The following ANKRD17 variants were observed in gnomAD, a reference collection of about 807,000 sequenced individuals.
ANKRD17 encodes the protein ankyrin repeat domain 17, also known as ankyrin repeat domain-containing protein 17.
A neutral mutation model predicts 229.7 loss-of-function variants in ANKRD17; 19 were observed. The ratio of observed to expected loss-of-function variants is 0.08; its 90% CI spans 0.06 to 0.12. ANKRD17 has a LOEUF of 0.12. Ranked by LOEUF, ANKRD17 falls within the 10% of genes least tolerant of loss-of-function variation. The pLI is 1.00. For missense variants in ANKRD17, 2,176 were observed against 3,176.8 expected (o/e 0.68, Z 7.57); for synonymous variants, 1,112 against 1,146.1 (o/e 0.97, Z 0.60).
intron 30 of ANKRD17, among the ~76,000 whole-genome samples, chr4:73,080,165 A>G (rs1721420449): frequency 6.6e-6 from 1 of 152,196 alleles, no homozygotes; most frequent in African/African-American, 2.4e-5. Context: ...AAAATGGTAT[A>G]AATAATAAAG....
intron 1 of ANKRD17, among the ~76,000 whole-genome samples, chr4:73,228,414 G>A (rs539949984): frequency 6.6e-6 from 1 of 152,020 alleles, no homozygotes; most frequent in Admixed American, 6.6e-5. Context: ...TACCACTATA[G>A]TTTATTTTCT....
intron 3 of ANKRD17, among the ~76,000 whole-genome samples, chr4:73,159,281 C>A (rs1732184194): frequency 6.6e-6 from 1 of 152,172 alleles, no homozygotes; most frequent in African/African-American, 2.4e-5. Flanking sequence ...TAAGAGCATA[C>A]CTTTTCTCTC....
intron 30 of ANKRD17, among the ~76,000 whole-genome samples, chr4:73,081,099 G>T (rs1177591420): frequency 6.6e-6 from 1 of 152,176 alleles, no homozygotes; most frequent in African/African-American, 2.4e-5. Context: ...TTGGATTAAG[G>T]ATAGGCACCC....
At chr4:73,157,159 A>G (rs772376700) in intron 3 of ANKRD17, among the ~76,000 whole-genome samples, 1 of 152,184 alleles carries the variant, frequency 6.6e-6, no homozygotes, top group Non-Finnish European at 1.5e-5. Flanking sequence ...ATTTTTTATA[A>G]AATTTAATTA....
chr4:73,116,540 C>T (rs148000321), intron 22 of ANKRD17, among the ~76,000 whole-genome samples: 35 of 152,248 alleles, frequency 2.3e-4, no homozygotes, highest in Non-Finnish European at 4.7e-4. Context: ...GTTAGCCAGT[C>T]GGGATAAACA....
At chr4:73,100,488 T>G (rs1159321677) in intron 25 of ANKRD17, among the ~76,000 whole-genome samples, 1 of 152,076 alleles carries the variant, frequency 6.6e-6, no homozygotes, top group African/African-American at 2.4e-5. Context: ...TATATATCCT[T>G]TTCTCGGAGA....
intron 1 of ANKRD17, among the ~76,000 whole-genome samples, chr4:73,208,112 C>T (rs1295550788): frequency 1.4e-5 from 2 of 147,502 alleles, no homozygotes; most frequent in Non-Finnish European, 3.0e-5. Context: ...TGGCGTGAGC[C>T]CGGGAGGCGG....
At chr4:73,250,783 T>C (rs1241137295) in intron 1 of ANKRD17, among the ~76,000 whole-genome samples, 1 of 151,278 alleles carries the variant, frequency 6.6e-6, no homozygotes, top group Non-Finnish European at 1.5e-5. Flanking sequence ...CTCTGCTCAC[T>C]GCAACCTCTG....
chr4:73,154,936 G>A (rs1731461254), intron 5 of ANKRD17, among the ~76,000 whole-genome samples: 1 of 151,648 alleles, frequency 6.6e-6, no homozygotes, highest in South Asian at 2.1e-4. Flanking sequence ...AGCTACTTGG[G>A]AGGCTGAGGC....
chr4:73,238,008 A>G (rs2149254790), intron 1 of ANKRD17, among the ~76,000 whole-genome samples: 1 of 152,162 alleles, frequency 6.6e-6, no homozygotes, highest in Middle Eastern at 3.4e-3. Flanking sequence ...AGAACTGAAA[A>G]TATTTACTAG....
chr4:73,205,399 A>C (rs1739309712), intron 1 of ANKRD17, among the ~76,000 whole-genome samples: 1 of 152,206 alleles, frequency 6.6e-6, no homozygotes, highest in Non-Finnish European at 1.5e-5. Flanking sequence ...AAAAAAACAC[A>C]GACCAATGGA....
chr4:73,191,341 A>ATATATGTGTGTGTGTGTGTG (rs1553933228), intron 1 of ANKRD17, among the ~76,000 whole-genome samples: 2 of 125,286 alleles, frequency 1.6e-5, no homozygotes, highest in East Asian at 2.4e-4. Flanking sequence ...AAAAATATAT[A>ATATATGTGTGTGTGTGTGTG]TGTGTGTGTG....
chr4:73,084,211 C>T (rs923839877), intron 30 of ANKRD17, among the ~76,000 whole-genome samples: 1 of 152,096 alleles, frequency 6.6e-6, no homozygotes, highest in African/African-American at 2.4e-5. Flanking sequence ...GAAACTGTCT[C>T]TACTAAAAAT....
At position 73,120,933 on chromosome 4, in the gene ANKRD17, T is replaced by G; in HGVS notation, c.3797A>C (p.Glu1266Ala). The change falls in exon 20 of 34, where the codon GAA becomes GCA. Residue 1266 changes from glutamate to alanine, a missense_variant. By Grantham distance (107) the Glu-to-Ala change is moderately radical. Coordinates refer to ENST00000358602, the MANE Select transcript of ANKRD17 (RefSeq NM_032217.5). ...LTLACFQGRT[E>A]VVSLLLDRKA... ...TCTATCAAGCAGAAGACTAACCACTTCAGTTCTTCCTTGGAAGCAGGCTAA... is the reference window on the plus strand; with the variant it reads ...TCTATCAAGCAGAAGACTAACCACTGCAGTTCTTCCTTGGAAGCAGGCTAA... 1 of 1,613,644 alleles carries G rather than the reference T, an allele frequency of 6.2e-7. No homozygotes were observed. Among genetic ancestry groups the G allele is most frequent in the Non-Finnish European group, 8.5e-7 (1 of 1,179,856 alleles).
rs760217516 is a variant in ANKRD17 at position 73,125,045 on chromosome 4, G to A, written c.3360C>T (p.Leu1120=). 30 of 1,614,068 alleles carry A rather than the reference G, an allele frequency of 1.9e-5. No individual in the cohort carries two copies. The highest frequency in any genetic ancestry group is 2.7e-5 in the African/African-American group (2 of 74,928). The part of the protein sequence containing the change: ...EHRDKKGFTP[L]ILAATAGHVG... ...CATGACCAGCTGTGGCAGCCAAGAT[G>A]AGTGGAGTAAAACCTGGAGAAAAAT... The change falls in exon 18 of 34, where the codon CTC becomes CTT. Residue 1120 remains leucine (L), a synonymous_variant. Coordinates refer to ENST00000358602, the MANE Select transcript of ANKRD17 (RefSeq NM_032217.5).
chr4:73,221,575 AG>A (rs1741860844), intron 1 of ANKRD17, among the ~76,000 whole-genome samples: 1 of 152,212 alleles, frequency 6.6e-6, no homozygotes, highest in African/African-American at 2.4e-5. Context: ...TAATCTAATT[AG>A]GCTTATTTAA....
At chr4:73,152,552 C>T (rs1731136461) in intron 6 of ANKRD17, among the ~76,000 whole-genome samples, 1 of 152,048 alleles carries the variant, frequency 6.6e-6, no homozygotes. Context: ...GCTCAGTTTG[C>T]TATCCAGCTT....
At chr4:73,205,408 GAA>G (rs1200947258) in intron 1 of ANKRD17, among the ~76,000 whole-genome samples, 3 of 152,000 alleles carry the variant, frequency 2.0e-5, no homozygotes. Flanking sequence ...CAGACCAATG[GAA>G]CAGAATAAAG....
intron 1 of ANKRD17, among the ~76,000 whole-genome samples, chr4:73,195,944 CCTCT>C (rs1167445548): frequency 6.6e-6 from 1 of 151,902 alleles, no homozygotes; most frequent in Non-Finnish European, 1.5e-5. Flanking sequence ...ATGTTCTCTC[CCTCT>C]GTTAGTATGA....
Sources: allele counts gnomAD v4.1 joint callset (sites outside exome capture counted in the v4.1 genomes callset), GRCh38; gene constraint gnomAD v4.1.1; transcripts MANE v1.5; gene names NCBI Gene and HGNC (gene_info 2026-07-23, HGNC 2026-07-21).